RALYL: variants seen among roughly 807,000 people sequenced by gnomAD.
RALYL encodes RALY RNA binding protein like, also known as RNA-binding Raly-like protein.
A neutral mutation model predicts 35.1 loss-of-function variants in RALYL; 29 were observed. The ratio of observed to expected loss-of-function variants is 0.83; its 90% confidence interval spans 0.61 to 1.13. The LOEUF is 1.13. Ranked by LOEUF, RALYL falls within the 50% of genes most tolerant of loss-of-function variation. The pLI is 0.00. For missense variants in RALYL, 359 were observed against 360.4 expected, an observed-to-expected ratio of 1.00 and a Z score of 0.03; for synonymous variants, 120 against 127.6, an observed-to-expected ratio of 0.94 and a Z score of 0.40.
intron 1 of RALYL, among the ~76,000 whole-genome samples, chr8:84,469,859 C>T (rs1364896280): frequency 6.6e-6 from 1 of 152,088 alleles, no homozygotes; most frequent in African/African-American, 2.4e-5. Context: ...TTTTTTAAGC[C>T]CGTCGGAAAA....
At chr8:84,466,649 TG>T in intron 1 of RALYL, among the ~76,000 whole-genome samples, 1 of 151,334 alleles carries the variant, frequency 6.6e-6, no homozygotes, top group East Asian at 1.9e-4. Context: ...AGAATGATGC[TG>T]GCCTCATAAA....
rs28654090 is a variant in RALYL at position 84,831,563 on chromosome 8, T to C, written c.366-18417T>C. Reference sequence around the variant, plus strand: ...TTTAACAAATATTTAGTCATGTTCTTTAACTGGGAACTTTATGGAAGGGTT... The same window carrying C: ...TTTAACAAATATTTAGTCATGTTCTCTAACTGGGAACTTTATGGAAGGGTT... On this transcript the variant is annotated intron_variant, in intron 4 of 8. Transcript: ENST00000521268. 9.2e-3 allele frequency among the ~76,000 whole-genome samples: 1,396 copies of C among 152,270 alleles called. 13 individuals are homozygous for C. Among genetic ancestry groups the C allele is most frequent in the African/African-American group, 0.032 (1,330 of 41,556 alleles).
chr8:84,444,003 T>C (rs1203134976), intron 1 of RALYL, among the ~76,000 whole-genome samples: 2 of 152,112 alleles, frequency 1.3e-5, no homozygotes, highest in African/African-American at 4.8e-5. Flanking sequence ...TTTTATCTTA[T>C]TTTCCTTTGT....
chr8:84,631,329 G>T (rs1240255666), intron 2 of RALYL, among the ~76,000 whole-genome samples: 3 of 151,828 alleles, frequency 2.0e-5, no homozygotes, highest in Non-Finnish European at 4.4e-5. Flanking sequence ...TATTTTTTGT[G>T]GGTTCATATT....
chr8:84,907,058 G>A (rs556965837), intron 8 of RALYL: 27 of 723,076 alleles, frequency 3.7e-5, no homozygotes, highest in Admixed American at 3.1e-4. Context: ...TAAGTATCCC[G>A]GAAACCTTAT....
At chr8:84,352,547 T>G (rs1383641560) in intron 1 of RALYL, among the ~76,000 whole-genome samples, 1 of 150,230 alleles carries the variant, frequency 6.7e-6, no homozygotes, top group East Asian at 1.9e-4. Flanking sequence ...TTAATAACTT[T>G]CCCAAAGCCA....
intron 1 of RALYL, among the ~76,000 whole-genome samples, chr8:84,380,057 T>TTGTGTGTG (rs60900204): frequency 1.9e-3 from 281 of 147,114 alleles, no homozygotes; most frequent in African/African-American, 6.5e-3. Flanking sequence ...CTTCTCAAAA[T>TTGTGTGTG]TGTGTGTGTG....
chr8:84,667,056 T>C (rs1182139450), intron 2 of RALYL, among the ~76,000 whole-genome samples: 1 of 152,112 alleles, frequency 6.6e-6, no homozygotes, highest in Non-Finnish European at 1.5e-5. Flanking sequence ...ACATGGGTTT[T>C]TAAAACAAAA....
At chr8:84,296,061 A>G (rs1254633125) in intron 1 of RALYL, among the ~76,000 whole-genome samples, 2 of 152,112 alleles carry the variant, frequency 1.3e-5, no homozygotes, top group Non-Finnish European at 2.9e-5. Flanking sequence ...AATGGCAAAA[A>G]CACAGCTATT....
chr8:84,332,277 T>C (rs1208332736), intron 1 of RALYL, among the ~76,000 whole-genome samples: 1 of 152,098 alleles, frequency 6.6e-6, no homozygotes, highest in East Asian at 1.9e-4. Flanking sequence ...TTACCTTTCT[T>C]TGTTTTGGAG....
chr8:84,721,433 T>C (rs1005657804), intron 2 of RALYL, among the ~76,000 whole-genome samples: 1 of 152,112 alleles, frequency 6.6e-6, no homozygotes, highest in Non-Finnish European at 1.5e-5. Context: ...ATATGCACAA[T>C]GTAATAGTTT....
chr8:84,634,122 A>G (rs1035749024), intron 2 of RALYL, among the ~76,000 whole-genome samples: 2 of 151,894 alleles, frequency 1.3e-5, no homozygotes, highest in Non-Finnish European at 2.9e-5. Context: ...AGATTAGATT[A>G]GAATTTGTAT....
intron 1 of RALYL, among the ~76,000 whole-genome samples, chr8:84,514,507 G>T (rs2057902907): frequency 6.6e-6 from 1 of 152,158 alleles, no homozygotes; most frequent in African/African-American, 2.4e-5. Flanking sequence ...TTGCTTCCAA[G>T]ATGGCACCTT....
chr8:84,815,648 T>G (rs541314712), intron 4 of RALYL, among the ~76,000 whole-genome samples: 1 of 152,052 alleles, frequency 6.6e-6, no homozygotes, highest in Non-Finnish European at 1.5e-5. Flanking sequence ...CATAATAAAA[T>G]TCTGCTAGGA....
At chr8:84,531,816 T>C (rs2059293478) in intron 2 of RALYL, among the ~76,000 whole-genome samples, 1 of 152,120 alleles carries the variant, frequency 6.6e-6, no homozygotes, top group East Asian at 1.9e-4. Flanking sequence ...CTCAGTTGAT[T>C]GCTGTCTTTT....
In RALYL at chr8:84,611,710, C is replaced by CAT. The variant is rs1356446491; in HGVS notation, c.256+82137_256+82138dup. 2.6e-5 allele frequency among the ~76,000 whole-genome samples: 4 copies of CAT among 152,244 alleles called. No individual in the cohort carries two copies. The East Asian group carries it at 7.7e-4, about 29-fold the overall frequency. The stretch of plus-strand genomic sequence containing the variant: ...ACGCAATAAATATATGGTCGTACAT[C>CAT]ATATAAGTATTTACACATTACATGT... On this transcript the variant is annotated intron_variant, in intron 2 of 8. Transcript: ENST00000521268.
intron 1 of RALYL, among the ~76,000 whole-genome samples, chr8:84,441,793 G>T (rs2048358340): frequency 6.6e-6 from 1 of 152,010 alleles, no homozygotes; most frequent in South Asian, 2.1e-4. Context: ...CAAAATAGGG[G>T]TTTTCATTGT....
intron 7 of RALYL, among the ~76,000 whole-genome samples, chr8:84,883,715 T>C (rs1199509793): frequency 6.6e-6 from 1 of 151,970 alleles, no homozygotes; most frequent in Non-Finnish European, 1.5e-5. Flanking sequence ...TGTCTAAACA[T>C]AGAACTAAAA....
chr8:84,902,552 G>A (rs1587098801), intron 8 of RALYL, among the ~76,000 whole-genome samples: 2 of 152,168 alleles, frequency 1.3e-5, no homozygotes, highest in East Asian at 1.9e-4. Context: ...TTATTTTGAT[G>A]TCAAAGGTAG....
Sources: allele counts gnomAD v4.1 joint callset (sites outside exome capture counted in the v4.1 genomes callset), GRCh38; gene constraint gnomAD v4.1.1; transcripts MANE v1.5; gene names NCBI Gene and HGNC (gene_info 2026-07-23, HGNC 2026-07-21).